Variants in CFAP47 observed in about 807,000 individuals in gnomAD.
The protein encoded by CFAP47 is cilia- and flagella-associated protein 47.
Under a neutral mutation model 148.1 loss-of-function variants are expected in CFAP47, and 29 were observed. That is an observed-to-expected ratio of 0.20 (90% CI 0.15 to 0.27). The LOEUF is 0.27. CFAP47 is among the 10% of genes least tolerant of loss of function. CFAP47 has a pLI of 1.00. For missense variants in CFAP47, 1,872 were observed against 1,697.5 expected (o/e 1.10, Z -1.81); for synonymous variants, 664 against 577.3 (o/e 1.15, Z -2.15).
intron 49 of CFAP47, among the ~76,000 whole-genome samples, chrX:36,256,114 T>C (rs1940748314): frequency 8.9e-6 from 1 of 111,944 alleles, no homozygotes; most frequent in Non-Finnish European, 1.9e-5. Context: ...ATTATTACTG[T>C]TCATTATTAC....
chrX:36,202,061 T>C (rs1015097918), intron 44 of CFAP47, among the ~76,000 whole-genome samples: 1 of 111,299 alleles, frequency 9.0e-6, no homozygotes, highest in African/African-American at 3.3e-5. Context: ...GAAATAATTA[T>C]ACATAAAATG....
At chrX:36,176,406 T>C in intron 39 of CFAP47, among the ~76,000 whole-genome samples, 1 of 112,459 alleles carries the variant, frequency 8.9e-6, no homozygotes, top group Non-Finnish European at 1.9e-5. Context: ...AAATATTTTA[T>C]GTTTTAGCTT....
At chrX:36,097,108 A>G (rs966780890) in intron 30 of CFAP47, among the ~76,000 whole-genome samples, 43 of 111,864 alleles carry the variant, frequency 3.8e-4, no homozygotes, top group African/African-American at 1.3e-3. Context: ...AACAAAAAAG[A>G]AACAAGCGAA....
At chrX:36,376,675 C>T (rs1556023017) in intron 62 of CFAP47, among the ~76,000 whole-genome samples, 1 of 111,154 alleles carries the variant, frequency 9.0e-6, no homozygotes, top group Non-Finnish European at 1.9e-5. Context: ...GCACAACGTG[C>T]AGGTTTGTTA....
chrX:36,311,077 A>G, intron 56 of CFAP47, 88 bp downstream of exon 56: 3 of 519,148 alleles, frequency 5.8e-6, no homozygotes, highest in Non-Finnish European at 8.7e-6. Context: ...TTTAGAACAA[A>G]TGAATACTTT....
chrX:36,291,675 A>AC (rs1276040421), intron 51 of CFAP47, among the ~76,000 whole-genome samples: 1 of 109,728 alleles, frequency 9.1e-6, no homozygotes, highest in Non-Finnish European at 1.9e-5. Flanking sequence ...GTCAAGAATT[A>AC]CCCCCTGGGG....
At position 36,035,708 on chromosome X, in the gene CFAP47, A is replaced by T; in HGVS notation, c.3665A>T (p.Tyr1222Phe). 3.4e-6 allele frequency: 1 copy of T among 295,942 alleles called. No individual in the cohort carries two copies. Among genetic ancestry groups the T allele is most frequent in the Non-Finnish European group, 5.9e-6 (1 of 169,232 alleles). The allele number at this position is 295,942 out of a possible 1,213,427, so 24.4% of individuals were successfully genotyped here. A position where few individuals can be genotyped will look rare whatever the true frequency, so the allele number is the denominator to read the frequency against. Residue 1222 changes from tyrosine to phenylalanine, a missense_variant, in exon 24 of 64, where the codon TAT becomes TTT. By Grantham distance (22) the Tyr-to-Phe change is conservative. Coordinates refer to ENST00000378653, the MANE Select transcript of CFAP47 (RefSeq NM_001304548.2). ...KVTKTQNLVLYNITKHHVTWT... is the reference protein window; with the variant it reads ...KVTKTQNLVLFNITKHHVTWT... ...GTGTGTGAGCAGAATCTTGTTTTAT[A>T]TAATATTACCAAACACCATGTGACA... is the stretch of plus-strand genomic sequence containing the variant.
intron 49 of CFAP47, among the ~76,000 whole-genome samples, chrX:36,267,037 C>T (rs1422614189): frequency 8.9e-6 from 1 of 112,136 alleles, no homozygotes; most frequent in Non-Finnish European, 1.9e-5. Context: ...TTCTTCCTGG[C>T]TGTGTCTAGT....
chrX:36,273,574 A>G (rs1228190128), intron 49 of CFAP47, among the ~76,000 whole-genome samples: 2 of 111,678 alleles, frequency 1.8e-5, no homozygotes, highest in Non-Finnish European at 3.8e-5. Context: ...GACAAACTCA[A>G]GCACCAGCAA....
intron 27 of CFAP47, among the ~76,000 whole-genome samples, chrX:36,068,596 A>G (rs1391391054): frequency 2.7e-5 from 3 of 111,982 alleles, no homozygotes; most frequent in Non-Finnish European, 5.6e-5. Flanking sequence ...TGCAGTTGGC[A>G]GAGTGGAGAT....
At chrX:36,055,631 T>C (rs1937548979) in intron 26 of CFAP47, among the ~76,000 whole-genome samples, 1 of 112,347 alleles carries the variant, frequency 8.9e-6, no homozygotes, top group Admixed American at 9.4e-5. Flanking sequence ...GCAGTGAACA[T>C]ACATGTGCAT....
At position 36,144,567 on chromosome X, in the gene CFAP47, C is replaced by G. The variant is rs752004253; in HGVS notation, c.5536-652C>G. 1.4e-5 allele frequency: 14 copies of G among 1,023,237 alleles called. No homozygotes were observed. The South Asian group carries it at 2.4e-4, about 17-fold the overall frequency. The allele number at this position is 1,023,237 out of a possible 1,213,427, so 84.3% of individuals were successfully genotyped here. ...GGCAACGTTTTGTTTCTAGGTGTGT[C>G]TGAGGGTGTTTCCAAAGGAGATGGA... On this transcript the variant is annotated intron_variant, in intron 35 of 63. Transcript: ENST00000378653.
At chrX:36,019,335 C>G (rs140276774) in intron 22 of CFAP47, among the ~76,000 whole-genome samples, 1 of 111,848 alleles carries the variant, frequency 8.9e-6, no homozygotes, top group Non-Finnish European at 1.9e-5. Flanking sequence ...CCAGGTTCCT[C>G]GGCCTAAAGC....
At chrX:35,963,727 G>A (rs921273499) in intron 8 of CFAP47, among the ~76,000 whole-genome samples, 9 of 110,001 alleles carry the variant, frequency 8.2e-5, no homozygotes, top group East Asian at 2.8e-4. Flanking sequence ...TTTATTTTAC[G>A]AAACTTTAAA....
intron 57 of CFAP47, among the ~76,000 whole-genome samples, chrX:36,328,520 G>T (rs1301289116): frequency 8.9e-6 from 1 of 111,923 alleles, no homozygotes; most frequent in Non-Finnish European, 1.9e-5. Context: ...TAAAAGAAAA[G>T]CAAATTGGGG....
intron 41 of CFAP47, 149 bp from the exon 42 acceptor site, chrX:36,189,902 G>A: frequency 3.6e-6 from 1 of 276,263 alleles, no homozygotes. Flanking sequence ...TTGATCTAGG[G>A]TCACTGTATT....
At chrX:36,375,238 T>C in intron 62 of CFAP47, 1 of 215,533 alleles carries the variant, frequency 4.6e-6, no homozygotes, top group South Asian at 6.6e-5. Flanking sequence ...GCGCACGCAG[T>C]TATGGGAACA....
At chrX:35,948,573 T>G (rs986255404) in intron 4 of CFAP47, 121 bp downstream of exon 4, 8 of 561,524 alleles carry the variant, frequency 1.4e-5, no homozygotes, top group Non-Finnish European at 2.2e-5. Flanking sequence ...GCGTTGTTCA[T>G]TGAGTCTCTA....
At chrX:36,329,715 T>A (rs782312084) in intron 57 of CFAP47, among the ~76,000 whole-genome samples, 11 of 111,727 alleles carry the variant, frequency 9.8e-5, no homozygotes, top group Non-Finnish European at 1.7e-4. Context: ...TTCTATAAGA[T>A]CAAGGGTTTT....
Sources: gnomAD v4.1 joint callset for allele counts (sites outside exome capture counted in the v4.1 genomes callset) on GRCh38, gnomAD v4.1.1 for gene constraint, MANE v1.5 for transcripts, NCBI Gene and HGNC (gene_info 2026-07-23, HGNC 2026-07-21) for gene names.